Variants in PCDHA7 observed in about 807,000 individuals in gnomAD.
PCDHA7 encodes the protein protocadherin alpha-7.
A neutral mutation model predicts 57.2 loss-of-function variants in PCDHA7; 37 were observed. The observed-to-expected ratio is 0.65, with a 90% confidence interval of 0.50 to 0.85. The LOEUF (loss-of-function observed/expected upper bound fraction) is 0.85, where lower values mean the gene tolerates loss of function less well. Among genes scored for constraint, PCDHA7 ranks in the 40% least tolerant of loss-of-function variants. The pLI, the probability that PCDHA7 is intolerant of heterozygous loss-of-function variation, is 0.00. For missense variants in PCDHA7, 1,188 were observed against 1,241.8 expected, an observed-to-expected ratio of 0.96 and a Z score of 0.65; for synonymous variants, 553 against 558.8, an observed-to-expected ratio of 0.99 and a Z score of 0.15.
At chr5:140,955,720 T>C (rs921545021) in intron 1 of PCDHA7, among the ~76,000 whole-genome samples, 7 of 152,354 alleles carry the variant, frequency 4.6e-5, no homozygotes, top group East Asian at 1.9e-4. Flanking sequence ...AGGAATACCA[T>C]TGAATCTATA....
Position 140,858,751 on chromosome 5 carries a change from G to A in PCDHA7, c.2355+22013G>A, listed in dbSNP as rs938240146. On this transcript the variant is annotated intron_variant, in intron 1 of 3. Coordinates refer to ENST00000525929, the MANE Select transcript of PCDHA7 (RefSeq NM_018910.3). ...CGATTTACTTTCATAATCACTTTTC[G>A]TTACAAATATTTGTGAGATTAGTAC... 35 of 456,172 alleles carry A rather than the reference G, an allele frequency of 7.7e-5. 1 individual carries two copies. In the East Asian group the frequency reaches 9.6e-4, roughly 13 times the overall value. 28.3% of individuals were successfully genotyped at this position (456,172 alleles called of 1,614,324 possible).
chr5:140,871,137 T>C, intron 1 of PCDHA7: 1 of 1,613,416 alleles, frequency 6.2e-7, no homozygotes, highest in East Asian at 2.2e-5. Flanking sequence ...CAAAGGCCTC[T>C]TCCCGGACTT....
At position 140,849,854 on chromosome 5, in the gene PCDHA7, A is replaced by T. The variant is rs1431626107; in HGVS notation, c.2355+13116A>T. 3.8e-6 allele frequency: 6 copies of T among 1,598,364 alleles called. 1 individual carries two copies. Among genetic ancestry groups the T allele is most frequent in the East Asian group, 2.2e-5 (1 of 44,850 alleles). On this transcript the variant is annotated intron_variant, in intron 1 of 3. Coordinates refer to ENST00000525929, the MANE Select transcript of PCDHA7 (RefSeq NM_018910.3). ...TGGCCGACGTGAACGACAACGCACC[A>T]GCGTTCGCGCAGTCCGAGTACACGG...
chr5:140,906,137 G>C (rs1462672499), intron 1 of PCDHA7, among the ~76,000 whole-genome samples: 1 of 152,008 alleles, frequency 6.6e-6, no homozygotes, highest in East Asian at 1.9e-4. Context: ...AGTCTCCTTT[G>C]ATAACACCCT....
chr5:140,884,346 T>G (rs1487079029), intron 1 of PCDHA7: 1 of 1,613,896 alleles, frequency 6.2e-7, no homozygotes, highest in Non-Finnish European at 8.5e-7. Flanking sequence ...GAAGCGGCGC[T>G]GGTGGATGTC....
intron 1 of PCDHA7, chr5:140,871,620 T>C: frequency 7.1e-7 from 1 of 1,405,980 alleles, no homozygotes; most frequent in Non-Finnish European, 9.4e-7. Context: ...TTGTTTTAGA[T>C]AACAATGTCT....
intron 1 of PCDHA7, chr5:140,870,574 T>C (rs1429082420): frequency 6.2e-7 from 1 of 1,613,934 alleles, no homozygotes; most frequent in Non-Finnish European, 8.5e-7. Flanking sequence ...GCTGGTGTCC[T>C]ACTCGCTGGT....
At chr5:140,871,593 A>G in intron 1 of PCDHA7, 3 of 1,458,668 alleles carry the variant, frequency 2.1e-6, no homozygotes, top group South Asian at 1.5e-5. Context: ...TTTTATGAAT[A>G]ACCAGTGTTT....
At chr5:140,867,220 A>G (rs782476423) in intron 1 of PCDHA7, 2 of 152,110 alleles carry the variant, frequency 1.3e-5, no homozygotes, top group Non-Finnish European at 2.9e-5. Flanking sequence ...TTCATCCCCA[A>G]TTCCCATAAT....
At chr5:140,919,643 C>CTA (rs1244015726) in intron 1 of PCDHA7, among the ~76,000 whole-genome samples, 7 of 152,192 alleles carry the variant, frequency 4.6e-5, no homozygotes, top group Non-Finnish European at 8.8e-5. Flanking sequence ...AGTAGTTTCT[C>CTA]TAGAGTTTAC....
intron 3 of PCDHA7, among the ~76,000 whole-genome samples, chr5:140,999,676 C>T: frequency 6.6e-6 from 1 of 152,086 alleles, no homozygotes; most frequent in East Asian, 1.9e-4. Flanking sequence ...GGGGGGCTCA[C>T]AGAAAGAAGA....
chr5:140,871,060 C>T (rs782751973), intron 1 of PCDHA7: 4 of 1,613,210 alleles, frequency 2.5e-6, no homozygotes, highest in Non-Finnish European at 3.4e-6. Context: ...GGTGAAGGAT[C>T]ACGGTGAGCC....
intron 1 of PCDHA7, chr5:140,851,727 T>C (rs1216544821): frequency 1.0e-6 from 1 of 969,522 alleles, no homozygotes; most frequent in Non-Finnish European, 1.2e-6. Flanking sequence ...AACTTCGAGT[T>C]CTTTTGAAAT....
intron 1 of PCDHA7, chr5:140,877,410 C>G (rs1339534741): frequency 7.4e-6 from 12 of 1,613,922 alleles, no homozygotes; most frequent in Non-Finnish European, 9.3e-6. Context: ...CGCGCCACCG[C>G]CTGCTGGTGC....
At chr5:140,852,781 G>A (rs1213399832) in intron 1 of PCDHA7, 1 of 979,508 alleles carries the variant, frequency 1.0e-6, no homozygotes, top group African/African-American at 1.8e-5. Flanking sequence ...GATGTGAATA[G>A]AGGGATGCTA....
intron 1 of PCDHA7, chr5:140,841,257 C>T: frequency 1.3e-6 from 2 of 1,515,268 alleles, no homozygotes; most frequent in Non-Finnish European, 1.8e-6. Context: ...TTAAAAGACT[C>T]TGAAAGTACA....
At chr5:140,961,548 TTC>T (rs1261051270) in intron 1 of PCDHA7, among the ~76,000 whole-genome samples, 4 of 152,230 alleles carry the variant, frequency 2.6e-5, no homozygotes, top group African/African-American at 9.6e-5. Context: ...CCTGCAGCAT[TTC>T]TTTTTTTAAA....
At chr5:140,856,264 C>A (rs1309055685) in intron 1 of PCDHA7, 7 of 1,598,114 alleles carry the variant, frequency 4.4e-6, no homozygotes, top group South Asian at 3.3e-5. Flanking sequence ...GACACGGGGA[C>A]CTTCTGGAGG....
intron 1 of PCDHA7, chr5:140,967,162 C>T (rs782524334): frequency 1.9e-6 from 3 of 1,610,776 alleles, no homozygotes; most frequent in Non-Finnish European, 2.5e-6. Context: ...TGGCGGTGAG[C>T]GCCGTTGAGG....
Sources: allele counts gnomAD v4.1 joint callset (sites outside exome capture counted in the v4.1 genomes callset), GRCh38; gene constraint gnomAD v4.1.1; transcripts MANE v1.5; gene names NCBI Gene and HGNC (gene_info 2026-07-23, HGNC 2026-07-21).